LATS1: variants seen among roughly 807,000 people sequenced by gnomAD.
LATS1 encodes the protein large tumor suppressor kinase 1, also known as serine/threonine-protein kinase LATS1.
LATS1 carries 25 observed loss-of-function variants against 106.6 expected under a neutral mutation model. The observed-to-expected ratio is 0.23, with a 90% CI of 0.17 to 0.33. The LOEUF (loss-of-function observed/expected upper bound fraction) is 0.33, where lower values mean the gene tolerates loss of function less well. Among genes scored for constraint, LATS1 ranks in the 10% least tolerant of loss-of-function variants. The probability of loss-of-function intolerance (pLI) is 1.00; values close to 1 mark genes in which losing one functional copy is unlikely to be tolerated. For synonymous variants in LATS1, 465 were observed against 455.6 expected (o/e 1.02, Z -0.26); for missense variants, 1,040 against 1,382.6 (o/e 0.75, Z 3.93).
chr6:149,718,015 G>T lies in LATS1; in HGVS notation c.-307C>A. On this transcript the variant is annotated 5_prime_UTR_variant, in exon 1 of 8. Transcript: ENST00000543571. ...CGCGGCCCGTCCCAGGGGTCGTGAG[G>T]ACCTGGCTCTCCCCTTAACACCAGG... The T allele has an allele frequency of 2.8e-6, 1 of 357,950 alleles. No individual in the cohort carries two copies. The highest frequency in any genetic ancestry group is 1.9e-5 in the South Asian group (1 of 52,940). 22.2% of individuals were successfully genotyped at this position (357,950 alleles called of 1,614,324 possible).
intron 4 of LATS1, among the ~76,000 whole-genome samples, chr6:149,682,120 A>AT (rs11462051): frequency 0.013 from 1,974 of 151,942 alleles, 47 homozygotes; most frequent in African/African-American, 0.046. Flanking sequence ...CAAAAAAAAA[A>AT]AAAAATGATG....
intron 7 of LATS1, among the ~76,000 whole-genome samples, chr6:149,673,017 G>A (rs918134563): frequency 1.3e-5 from 2 of 151,306 alleles, no homozygotes; most frequent in Non-Finnish European, 2.9e-5. Flanking sequence ...AGATTCCCTG[G>A]GATTTTCTAT....
chr6:149,673,479 G>C (rs1486257598), intron 7 of LATS1, among the ~76,000 whole-genome samples: 1 of 151,804 alleles, frequency 6.6e-6, no homozygotes, highest in Non-Finnish European at 1.5e-5. Context: ...TTCCTGCCTT[G>C]TTCTCAACCT....
In LATS1 at chr6:149,680,227, G is replaced by A. The variant is rs779685779; in HGVS notation, c.2241C>T (p.Val747=). The change falls in exon 5 of 8, where the codon GTC becomes GTT. Residue 747 remains valine, a synonymous_variant. Transcript: ENST00000543571. ...RKKDVLLRNQ[V]AHVKAERDIL... ...TATCTCTCTCAGCCTTAACATGAGC[G>A]ACTTGATTTCGAAGAAGAACATCTT... 1.7e-5 allele frequency: 28 copies of A among 1,613,846 alleles called. No homozygotes were observed. The highest frequency in any genetic ancestry group is 6.7e-5 in the Admixed American group (4 of 60,000).
chr6:149,702,898 C>T (rs1447073756), intron 1 of LATS1, among the ~76,000 whole-genome samples: 1 of 151,642 alleles, frequency 6.6e-6, no homozygotes, highest in Non-Finnish European at 1.5e-5. Flanking sequence ...TGGTCTTGAA[C>T]TCCTGACCTC....
rs2114824843 is a variant in LATS1, at chr6:149,684,195, C to T, written c.894G>A (p.Glu298=). ...ISPVPPGAWQ[E]GYPPPPLNTS... is the part of the protein sequence containing the mutation. ...TGTTGAGAGGTGGTGGAGGATAGCC[C>T]TCTTGCCATGCCCCAGGTGGGACAG... The change falls in exon 4 of 8, where the codon GAG becomes GAA. Residue 298 remains glutamate, a synonymous_variant. Transcript: ENST00000543571. The T allele has an allele frequency of 1.9e-6, 3 of 1,614,174 alleles. No individual in the cohort carries two copies. Among genetic ancestry groups the T allele is most frequent in the East Asian group, 2.2e-5 (1 of 44,886 alleles).
intron 2 of LATS1, among the ~76,000 whole-genome samples, chr6:149,696,710 T>C (rs1783102133): frequency 6.6e-6 from 1 of 151,784 alleles, no homozygotes; most frequent in Non-Finnish European, 1.5e-5. Context: ...GGAATACAAA[T>C]ATAAGACAAA....
chr6:149,703,147 T>C (rs1783563675), intron 1 of LATS1, among the ~76,000 whole-genome samples: 1 of 151,714 alleles, frequency 6.6e-6, no homozygotes, highest in Non-Finnish European at 1.5e-5. Context: ...CTAATTTTTG[T>C]ATCGTTTAGT....
chr6:149,662,334 G>T, intron 7 of LATS1, 96 bp from the exon 8 acceptor site: 1 of 1,058,670 alleles, frequency 9.4e-7, no homozygotes, highest in Non-Finnish European at 1.3e-6. Context: ...GGCTATTTTT[G>T]TATTTTAAAT....
chr6:149,701,716 C>A, intron 2 of LATS1, 63 bp downstream of exon 2: 1 of 1,260,784 alleles, frequency 7.9e-7, no homozygotes, highest in Non-Finnish European at 1.1e-6. Flanking sequence ...ATGTTATCAC[C>A]CAAAAAGTGT....
At chr6:149,696,514 AC>A (rs1783076266) in intron 2 of LATS1, among the ~76,000 whole-genome samples, 2 of 139,264 alleles carry the variant, frequency 1.4e-5, no homozygotes, top group East Asian at 4.6e-4. Context: ...AGTACAGATC[AC>A]GTCACTACAC....
intron 1 of LATS1, among the ~76,000 whole-genome samples, chr6:149,702,873 C>T (rs1275414813): frequency 2.6e-5 from 4 of 151,586 alleles, no homozygotes; most frequent in Non-Finnish European, 5.9e-5. Flanking sequence ...GGGGGTTTCG[C>T]CATGTTGGCC....
chr6:149,661,029 G>C lies in LATS1; in HGVS notation c.*700C>G. The stretch of plus-strand genomic sequence containing the variant: ...TACCAATATGGAAAAAAAGCTAGTA[G>C]TGCTTTGGCTTCTTTTAAAGCCAGT... On this transcript the variant is annotated 3_prime_UTR_variant, in exon 8 of 8. Transcript: ENST00000543571. The C allele has an allele frequency of 5.1e-6, 1 of 196,836 alleles. No homozygotes were observed. Among genetic ancestry groups the C allele is most frequent in the Non-Finnish European group, 9.9e-6 (1 of 100,776 alleles). 12.2% of individuals were successfully genotyped at this position (196,836 alleles called of 1,614,324 possible).
At chr6:149,685,098 C>T (rs1483053993) in intron 3 of LATS1, among the ~76,000 whole-genome samples, 22 of 151,990 alleles carry the variant, frequency 1.4e-4, no homozygotes, top group African/African-American at 4.1e-4. Flanking sequence ...ATTAGCCAGG[C>T]GTGGTGGTGT....
intron 3 of LATS1, among the ~76,000 whole-genome samples, chr6:149,690,021 C>T (rs1359754999): frequency 6.6e-6 from 1 of 151,146 alleles, no homozygotes; most frequent in Non-Finnish European, 1.5e-5. Context: ...TAGAGCTCTA[C>T]CTCAAAGTGT....
chr6:149,704,147 G>A lies in LATS1; in HGVS notation c.-140-1881C>T, dbSNP rs1783618608. On this transcript the variant is annotated intron_variant, in intron 1 of 7. Transcript: ENST00000543571. ...GCCTCCCGAATAGCTGGGATTACAG[G>A]CATGCACCACCGTGCCCAGCTAATT... Among the ~76,000 whole-genome samples the A allele has an allele frequency of 2.0e-5, 3 of 152,260 alleles. No homozygotes were observed. In the South Asian group the frequency reaches 6.2e-4, roughly 32 times the overall value.
intron 2 of LATS1, among the ~76,000 whole-genome samples, chr6:149,700,133 A>G (rs956541564): frequency 8.5e-5 from 13 of 152,332 alleles, no homozygotes; most frequent in African/African-American, 3.1e-4. Flanking sequence ...TAAAAATGAT[A>G]GAAAATAATA....
intron 4 of LATS1, among the ~76,000 whole-genome samples, chr6:149,681,104 G>A (rs926653338): frequency 3.3e-5 from 5 of 151,990 alleles, no homozygotes; most frequent in Non-Finnish European, 5.9e-5. Flanking sequence ...CTCCTACTTC[G>A]AAAAGAACAA....
intron 4 of LATS1, 185 bp downstream of exon 4, chr6:149,682,894 G>T: frequency 3.5e-6 from 2 of 576,760 alleles, no homozygotes; most frequent in Non-Finnish European, 2.9e-6. Flanking sequence ...AATAAATATT[G>T]AAATACTAAA....
Sources: gnomAD v4.1 joint callset for allele counts (sites outside exome capture counted in the v4.1 genomes callset) on GRCh38, gnomAD v4.1.1 for gene constraint, MANE v1.5 for transcripts, NCBI Gene and HGNC (gene_info 2026-07-23, HGNC 2026-07-21) for gene names.